Variants in KCNMA1 observed in about 807,000 individuals in gnomAD.
KCNMA1 encodes potassium calcium-activated channel subfamily M alpha 1.
KCNMA1 carries 29 observed loss-of-function variants against 140.0 expected under a neutral mutation model. The ratio of observed to expected loss-of-function variants is 0.21; its 90% CI spans 0.15 to 0.28. KCNMA1 has a LOEUF of 0.28. KCNMA1 is among the 10% of genes least tolerant of loss of function. The pLI is 1.00. For missense variants in KCNMA1, 880 were observed against 1,602.2 expected (o/e 0.55, Z 7.70); for synonymous variants, 612 against 611.9 (o/e 1.00, Z 0.00).
downstream of KCNMA1, among the ~76,000 whole-genome samples, chr10:76,882,699 C>A (rs2035164619): frequency 6.6e-6 from 1 of 152,222 alleles, no homozygotes; most frequent in South Asian, 2.1e-4. Context: ...CAGCCCTCCT[C>A]TGTGGCCCTT....
chr10:77,337,563 T>A (rs961381177), intron 2 of KCNMA1, among the ~76,000 whole-genome samples: 1 of 152,210 alleles, frequency 6.6e-6, no homozygotes, highest in Non-Finnish European at 1.5e-5. Context: ...GAGGTTGTAG[T>A]GAGCCAAGAT....
intron 1 of KCNMA1, among the ~76,000 whole-genome samples, chr10:77,616,680 C>T (rs2089637180): frequency 6.6e-6 from 1 of 152,146 alleles, no homozygotes; most frequent in South Asian, 2.1e-4. Context: ...GTGGTGCGCA[C>T]CTGTAATCCC....
At chr10:77,570,093 G>C (rs1019534296) in intron 1 of KCNMA1, among the ~76,000 whole-genome samples, 61 of 151,632 alleles carry the variant, frequency 4.0e-4, no homozygotes, top group African/African-American at 1.4e-3. Context: ...AACAACAGGT[G>C]CTGGAGAGGA....
chr10:77,052,516 G>A (rs377403002), intron 14 of KCNMA1, among the ~76,000 whole-genome samples: 7 of 150,696 alleles, frequency 4.6e-5, no homozygotes, highest in African/African-American at 1.7e-4. Context: ...CGTACCTGTC[G>A]TTCTCCTTCC....
chr10:77,097,136 C>G (rs2096953729), intron 9 of KCNMA1, among the ~76,000 whole-genome samples: 1 of 152,188 alleles, frequency 6.6e-6, no homozygotes, highest in African/African-American at 2.4e-5. Context: ...TCCTTCTCAC[C>G]TGGTAGTGCT....
At chr10:77,091,460 C>G (rs1282364221) in intron 9 of KCNMA1, 1 of 152,222 alleles carries the variant, frequency 6.6e-6, no homozygotes, top group Non-Finnish European at 1.5e-5. Context: ...ATATGTGCCA[C>G]ATAATGCCCA....
chr10:77,322,914 C>T (rs544420925), intron 2 of KCNMA1, among the ~76,000 whole-genome samples: 1 of 152,276 alleles, frequency 6.6e-6, no homozygotes, highest in African/African-American at 2.4e-5. Context: ...AAGGTCCCCA[C>T]CAACACTAGG....
At chr10:77,507,407 G>A (rs140251416) in intron 1 of KCNMA1, among the ~76,000 whole-genome samples, 163 of 152,318 alleles carry the variant, frequency 1.1e-3, no homozygotes, top group African/African-American at 3.7e-3. Context: ...AGTCTGACCA[G>A]CTCAGCAGAC....
intron 1 of KCNMA1, among the ~76,000 whole-genome samples, chr10:77,460,529 G>A (rs897451451): frequency 6.8e-5 from 10 of 146,452 alleles, no homozygotes; most frequent in Middle Eastern, 3.4e-3. Flanking sequence ...TGGTACACAC[G>A]TGCACACACA....
At chr10:77,162,471 T>C (rs2154080816) in intron 5 of KCNMA1, among the ~76,000 whole-genome samples, 1 of 152,308 alleles carries the variant, frequency 6.6e-6, no homozygotes, top group Admixed American at 6.5e-5. Flanking sequence ...CTTATTTCTA[T>C]TTTGATTAAT....
chr10:77,294,095 A>G (rs908411105), intron 2 of KCNMA1, among the ~76,000 whole-genome samples: 1 of 152,276 alleles, frequency 6.6e-6, no homozygotes, highest in Admixed American at 6.5e-5. Context: ...TAGCTCCAGC[A>G]ACGTGGACAG....
chr10:77,266,404 C>A (rs947063448), intron 2 of KCNMA1, among the ~76,000 whole-genome samples: 1 of 152,148 alleles, frequency 6.6e-6, no homozygotes, highest in Non-Finnish European at 1.5e-5. Context: ...ACTGCAAGAA[C>A]TTTTTGGCAA....
chr10:77,295,609 G>A lies in KCNMA1; in HGVS notation c.541-44353C>T, dbSNP rs557774330. Among the ~76,000 whole-genome samples, 331 of 149,864 alleles carry A rather than the reference G, an allele frequency of 2.2e-3. 1 individual carries two copies. The highest frequency in any genetic ancestry group is 7.5e-3 in the African/African-American group (304 of 40,644). On this transcript the variant is annotated intron_variant, in intron 2 of 27. Transcript: ENST00000286628. ...ATTCTGGCTAACAAGGTGAAACCCC[G>A]TCTCTACTAAAAATACAAAAAATTA...
chr10:76,977,110 C>T (rs1260859500), intron 19 of KCNMA1, among the ~76,000 whole-genome samples: 2 of 152,298 alleles, frequency 1.3e-5, no homozygotes, highest in East Asian at 1.9e-4. Context: ...AGCCAACTTT[C>T]GGCTTTGTGG....
chr10:77,496,445 A>C (rs1490655395), intron 1 of KCNMA1, among the ~76,000 whole-genome samples: 4 of 151,870 alleles, frequency 2.6e-5, no homozygotes, highest in African/African-American at 7.3e-5. Flanking sequence ...AAATACAAAA[A>C]AATTAGCCAG....
At chr10:77,214,573 C>T (rs1167676059) in intron 3 of KCNMA1, among the ~76,000 whole-genome samples, 1 of 152,222 alleles carries the variant, frequency 6.6e-6, no homozygotes, top group African/African-American at 2.4e-5. Flanking sequence ...CATAGCCAAC[C>T]ACATTTCCAG....
intron 1 of KCNMA1, among the ~76,000 whole-genome samples, chr10:77,444,108 T>C (rs887971924): frequency 6.6e-6 from 1 of 152,232 alleles, no homozygotes; most frequent in African/African-American, 2.4e-5. Flanking sequence ...TTACAAATCC[T>C]TTCTAAGTAC....
intron 1 of KCNMA1, chr10:77,636,162 G>T (rs2093700514): frequency 7.2e-7 from 1 of 1,390,418 alleles, no homozygotes; most frequent in Admixed American, 2.9e-5. Flanking sequence ...CCCCTAGGAT[G>T]GGAATTACTC....
chr10:77,593,379 A>G (rs1198957271), intron 1 of KCNMA1, among the ~76,000 whole-genome samples: 1 of 152,232 alleles, frequency 6.6e-6, no homozygotes, highest in East Asian at 1.9e-4. Flanking sequence ...GATGCTTTCC[A>G]GTTCTAACAC....
Sources: gnomAD v4.1 joint callset for allele counts (sites outside exome capture counted in the v4.1 genomes callset) on GRCh38, gnomAD v4.1.1 for gene constraint, MANE v1.5 for transcripts, NCBI Gene and HGNC (gene_info 2026-07-23, HGNC 2026-07-21) for gene names.